The following LMO7 variants were observed in gnomAD, a reference collection of about 807,000 sequenced individuals.
LMO7 encodes the protein LIM domain only protein 7.
In LMO7, 120 loss-of-function variants were observed where a neutral mutation model predicts 206.5. The ratio of observed to expected loss-of-function variants is 0.58; its 90% CI spans 0.50 to 0.68. LMO7 has a LOEUF of 0.68. Among genes scored for constraint, LMO7 ranks in the 30% least tolerant of loss-of-function variants. The pLI is 0.00. For missense variants in LMO7, 1,959 were observed against 1,957.9 expected (o/e 1.00, Z -0.01); for synonymous variants, 706 against 681.5 (o/e 1.04, Z -0.56).
At chr13:75,797,579 A>G (rs941988951) in intron 6 of LMO7, among the ~76,000 whole-genome samples, 1 of 152,222 alleles carries the variant, frequency 6.6e-6, no homozygotes, top group African/African-American at 2.4e-5. Flanking sequence ...AAATGATACC[A>G]CACCAGTAAG....
chr13:75,817,244 C>A lies in LMO7; in HGVS notation c.2030C>A (p.Ser677Ter). The A allele has an allele frequency of 1.2e-6, 2 of 1,612,862 alleles. No individual in the cohort carries two copies. The highest frequency in any genetic ancestry group is 1.7e-6 in the Non-Finnish European group (2 of 1,179,122). The change falls in exon 12 of 31, where the codon TCA becomes TAA. Residue 677 changes from serine (S) to a stop codon, truncating the protein, a stop_gained. Coordinates refer to ENST00000377534, the MANE Select transcript of LMO7 (RefSeq NM_001306080.2). LOFTEE classifies it high-confidence loss of function. ...TACGAGGAGATGCAGAAAATAAAAT[C>A]ACAATTAAAAGAACAAGATCAGAAA... ...LRYEEMQKIK[S>*]QLKEQDQKWQ...
intron 3 of LMO7, among the ~76,000 whole-genome samples, chr13:75,741,465 C>T (rs988835964): frequency 1.3e-4 from 20 of 152,078 alleles, no homozygotes; most frequent in Admixed American, 9.2e-4. Context: ...TGATGAACAT[C>T]GATGCAAAAA....
At chr13:75,766,983 C>G (rs605536) in intron 4 of LMO7, among the ~76,000 whole-genome samples, 1,847 of 152,180 alleles carry the variant, frequency 0.012, 48 homozygotes, top group African/African-American at 0.042. Context: ...AAAGCAGGCA[C>G]TGAACTTTTG....
intron 3 of LMO7, among the ~76,000 whole-genome samples, chr13:75,737,785 A>AAAAAAAT (rs2046010586): frequency 3.1e-5 from 3 of 96,852 alleles, no homozygotes; most frequent in Non-Finnish European, 7.3e-5. Flanking sequence ...AATAAAATAA[A>AAAAAAAT]AAAAAAAAAA....
intron 3 of LMO7, among the ~76,000 whole-genome samples, chr13:75,757,583 T>TA (rs1226542239): frequency 6.6e-6 from 1 of 152,116 alleles, no homozygotes; most frequent in Admixed American, 6.6e-5. Context: ...CCACACCTGT[T>TA]ATGGCTGCTT....
chr13:75,781,613 C>T (rs923837640), intron 4 of LMO7, among the ~76,000 whole-genome samples: 1 of 151,726 alleles, frequency 6.6e-6, no homozygotes, highest in Non-Finnish European at 1.5e-5. Flanking sequence ...TTTATAGCAG[C>T]ATGATTTATA....
chr13:75,679,953 G>C lies in LMO7; in HGVS notation c.70-33229G>C, dbSNP rs1433508400. Among the ~76,000 whole-genome samples the C allele has an allele frequency of 3.3e-5, 5 of 152,084 alleles. No individual in the cohort carries two copies. The East Asian group carries it at 9.6e-4, about 29-fold the overall frequency. ...CAGGATACATGTGCAGAATGTGCAG[G>C]TTTGTTACATAGGTAAACGTGTGCC... On this transcript the variant is annotated intron_variant, in intron 1 of 30. Coordinates refer to ENST00000377534, the MANE Select transcript of LMO7 (RefSeq NM_001306080.2).
At position 75,698,133 on chromosome 13, in the gene LMO7, T is replaced by TAA. The variant is rs1412078779; in HGVS notation, c.70-15048_70-15047dup. ...CTTGTCCTGTGGAATTATTTATATA[T>TAA]AATGCAAAGATGAAACACTTAAGAT... On this transcript the variant is annotated intron_variant, in intron 1 of 30. Coordinates refer to ENST00000377534, the MANE Select transcript of LMO7 (RefSeq NM_001306080.2). Among the ~76,000 whole-genome samples the TAA allele has an allele frequency of 7.9e-5, 12 of 152,264 alleles. No individual in the cohort carries two copies. In the East Asian group the frequency reaches 2.1e-3, roughly 27 times the overall value.
At chr13:75,843,940 C>T (rs2059759170) in intron 25 of LMO7, among the ~76,000 whole-genome samples, 1 of 152,016 alleles carries the variant, frequency 6.6e-6, no homozygotes, top group South Asian at 2.1e-4. Context: ...AATGGGCTGA[C>T]AATAAGCTAA....
chr13:75,675,096 A>AGAT (rs1330041880), intron 1 of LMO7, among the ~76,000 whole-genome samples: 1 of 132,298 alleles, frequency 7.6e-6, no homozygotes, highest in Non-Finnish European at 1.7e-5. Context: ...TTTTTTTTTG[A>AGAT]GATGAAATTT....
intron 2 of LMO7, among the ~76,000 whole-genome samples, chr13:75,623,947 A>G (rs2033683462): frequency 6.6e-6 from 1 of 152,176 alleles, no homozygotes. Flanking sequence ...ATTCCTAAAT[A>G]TTCAACCTTT....
chr13:75,737,457 A>T lies in LMO7; in HGVS notation c.210+10359A>T, dbSNP rs568156459. Among the ~76,000 whole-genome samples the T allele has an allele frequency of 2.4e-3, 334 of 139,122 alleles. 1 individual carries two copies. Among genetic ancestry groups the T allele is most frequent in the East Asian group, 0.015 (71 of 4,822 alleles). The allele number at this position is 139,122 out of a possible 152,430, so 91.3% of individuals were successfully genotyped here. A position where few individuals can be genotyped will look rare whatever the true frequency, so the allele number is the denominator to read the frequency against. On this transcript the variant is annotated intron_variant, in intron 3 of 30. Transcript: ENST00000377534. ...CATGTTTTAGTTAATACCTTTTTTA[A>T]AAAAAAAAAAACTTGGCCGGGCGCG...
chr13:75,781,096 CTTTTTTTTT>C (rs367937964), intron 4 of LMO7, among the ~76,000 whole-genome samples: 1 of 41,920 alleles, frequency 2.4e-5, no homozygotes, highest in African/African-American at 1.1e-4. Context: ...CTCTATTTTC[CTTTTTTTTT>C]TTTTTTTTTT....
intron 3 of LMO7, among the ~76,000 whole-genome samples, chr13:75,750,373 G>T (rs374277411): frequency 1.5e-5 from 2 of 137,018 alleles, no homozygotes; most frequent in African/African-American, 2.6e-5. Flanking sequence ...TCACCTGGGG[G>T]ATCCTTTTTT....
In LMO7 at chr13:75,814,491, G is replaced by A. The variant is rs146244481; in HGVS notation, c.1947-2670G>A. 2.9e-4 allele frequency among the ~76,000 whole-genome samples: 44 copies of A among 152,312 alleles called. No homozygotes were observed. In the East Asian group the frequency reaches 7.3e-3, roughly 25 times the overall value. ...TAGAGGGATTGAGAGGAGGGACAGA[G>A]CAGCTTTGATATGGATGAGCTGGGA... On this transcript the variant is annotated intron_variant, in intron 11 of 30. Coordinates refer to ENST00000377534, the MANE Select transcript of LMO7 (RefSeq NM_001306080.2).
chr13:75,827,733 C>T (rs2058260357), intron 15 of LMO7, among the ~76,000 whole-genome samples: 1 of 148,896 alleles, frequency 6.7e-6, no homozygotes, highest in South Asian at 2.1e-4. Flanking sequence ...GTTTTTTCTG[C>T]CCTTTCAGAG....
chr13:75,823,078 G>T (rs2057764311), intron 14 of LMO7, among the ~76,000 whole-genome samples: 1 of 151,934 alleles, frequency 6.6e-6, no homozygotes, highest in Non-Finnish European at 1.5e-5. Flanking sequence ...TCAATAGATA[G>T]AACACCAAGA....
At chr13:75,660,383 G>A (rs1017268296) in intron 1 of LMO7, among the ~76,000 whole-genome samples, 3 of 152,186 alleles carry the variant, frequency 2.0e-5, no homozygotes, top group Middle Eastern at 3.2e-3. Context: ...ATTTATCTAA[G>A]TGATCATTTC....
chr13:75,737,231 G>A (rs1331175604), intron 3 of LMO7, among the ~76,000 whole-genome samples: 1 of 152,074 alleles, frequency 6.6e-6, no homozygotes, highest in Non-Finnish European at 1.5e-5. Context: ...TTGGAGTGAT[G>A]CATCTACAAG....
Sources: allele counts gnomAD v4.1 joint callset (sites outside exome capture counted in the v4.1 genomes callset), GRCh38; gene constraint gnomAD v4.1.1; transcripts MANE v1.5; gene names NCBI Gene and HGNC (gene_info 2026-07-23, HGNC 2026-07-21).